ENTREP2: variants seen among roughly 807,000 people sequenced by gnomAD.
ENTREP2 encodes protein ENTREP2.
At chr15:29,666,337 GCT>G in the ENTREP2 span, among the ~76,000 whole-genome samples, 1 of 152,070 alleles carries the variant, frequency 6.6e-6, no homozygotes, top group East Asian at 1.9e-4. Context: ...CTCCGCTCAT[GCT>G]CTCTCACCCA....
At chr15:29,587,653 G>C in the ENTREP2 span, among the ~76,000 whole-genome samples, 1 of 152,020 alleles carries the variant, frequency 6.6e-6, no homozygotes, top group African/African-American at 2.4e-5. Context: ...TAGTAGATGA[G>C]AGGAAGTGTC....
the ENTREP2 span, chr15:29,376,340 A>C: frequency 2.0e-5 from 3 of 152,158 alleles, no homozygotes; most frequent in Admixed American, 6.5e-5. Context: ...AAAATCATCT[A>C]ATCAGAGCTA....
At chr15:29,369,961 G>A in the ENTREP2 span, among the ~76,000 whole-genome samples, 28 of 152,242 alleles carry the variant, frequency 1.8e-4, no homozygotes, top group Non-Finnish European at 2.4e-4. Flanking sequence ...GAAGCACAAG[G>A]CCCTCACCAG....
At chr15:29,651,882 G>A in the ENTREP2 span, among the ~76,000 whole-genome samples, 4 of 152,238 alleles carry the variant, frequency 2.6e-5, no homozygotes, top group Non-Finnish European at 5.9e-5. Context: ...GACAGCAGCA[G>A]GACGCAGACG....
chr15:29,463,727 A>G, the ENTREP2 span, among the ~76,000 whole-genome samples: 2 of 152,220 alleles, frequency 1.3e-5, no homozygotes, highest in East Asian at 3.8e-4. Context: ...AATAACTGAA[A>G]GCAGGAGCTC....
At chr15:29,123,610 G>A in the ENTREP2 span, 1 of 1,551,570 alleles carries the variant, frequency 6.4e-7, no homozygotes, top group Non-Finnish European at 8.7e-7. Flanking sequence ...CCCCGCTGGT[G>A]AAAGCTGGGC....
At chr15:29,511,983 G>A in the ENTREP2 span, among the ~76,000 whole-genome samples, 1 of 151,504 alleles carries the variant, frequency 6.6e-6, no homozygotes. Flanking sequence ...TATTAACAGA[G>A]ATTGTTTTAG....
the ENTREP2 span, among the ~76,000 whole-genome samples, chr15:29,627,111 T>G: frequency 6.6e-6 from 1 of 152,204 alleles, no homozygotes; most frequent in Admixed American, 6.5e-5. Context: ...TAAATTTCCC[T>G]CTGTGCAGTG....
the ENTREP2 span, among the ~76,000 whole-genome samples, chr15:29,392,734 T>C: frequency 6.6e-6 from 1 of 152,258 alleles, no homozygotes; most frequent in Admixed American, 6.5e-5. Flanking sequence ...TTGTAGCTAA[T>C]ATCTCTTCAG....
the ENTREP2 span, among the ~76,000 whole-genome samples, chr15:29,277,934 G>C: frequency 2.8e-3 from 421 of 152,162 alleles, no homozygotes; most frequent in African/African-American, 9.7e-3. Flanking sequence ...TGAGAAAACT[G>C]AACACGTTGA....
At chr15:29,207,106 C>T in the ENTREP2 span, among the ~76,000 whole-genome samples, 1 of 152,156 alleles carries the variant, frequency 6.6e-6, no homozygotes, top group Non-Finnish European at 1.5e-5. Flanking sequence ...TCCAGCTCTT[C>T]CTTACTCCAG....
chr15:29,520,354 A>G, the ENTREP2 span, among the ~76,000 whole-genome samples: 2 of 152,228 alleles, frequency 1.3e-5, no homozygotes, highest in African/African-American at 4.8e-5. Flanking sequence ...TGACCAATGC[A>G]AACAATTATT....
chr15:29,161,282 G>A, the ENTREP2 span, among the ~76,000 whole-genome samples: 2 of 152,158 alleles, frequency 1.3e-5, no homozygotes, highest in Admixed American at 1.3e-4. Context: ...CAAAGACAGG[G>A]ATTCCCCAAG....
At chr15:29,236,641 C>G in the ENTREP2 span, among the ~76,000 whole-genome samples, 1 of 152,086 alleles carries the variant, frequency 6.6e-6, no homozygotes, top group Non-Finnish European at 1.5e-5. Flanking sequence ...AGAGCAAGAT[C>G]CTGTCTCAAA....
At chr15:29,289,584 G>A in the ENTREP2 span, among the ~76,000 whole-genome samples, 6 of 152,254 alleles carry the variant, frequency 3.9e-5, no homozygotes, top group East Asian at 7.7e-4. Flanking sequence ...GGTGGCTCAC[G>A]TCTGTAATCC....
At chr15:29,234,501 A>T in the ENTREP2 span, 2 of 1,424,890 alleles carry the variant, frequency 1.4e-6, no homozygotes, top group Non-Finnish European at 2.0e-6. Flanking sequence ...ACTGAGCTAT[A>T]AGAACAACCA....
the ENTREP2 span, chr15:29,269,275 T>C: frequency 5.0e-6 from 8 of 1,614,012 alleles, no homozygotes; most frequent in African/African-American, 4.0e-5. Context: ...GGGTTCAAGT[T>C]CCACCAGCTT....
the ENTREP2 span, among the ~76,000 whole-genome samples, chr15:29,415,404 G>A: frequency 0.023 from 3,477 of 151,558 alleles, 140 homozygotes; most frequent in African/African-American, 0.08. Flanking sequence ...CAAAAACCAC[G>A]ATTATCTCAA....
the ENTREP2 span, among the ~76,000 whole-genome samples, chr15:29,667,334 C>T: frequency 6.6e-6 from 1 of 150,950 alleles, no homozygotes. Context: ...ACTACAGGCG[C>T]CCACCACCAT....
Sources: gnomAD v4.1 joint callset for allele counts (sites outside exome capture counted in the v4.1 genomes callset) on GRCh38, gnomAD v4.1.1 for gene constraint, MANE v1.5 for transcripts, NCBI Gene and HGNC (gene_info 2026-07-23, HGNC 2026-07-21) for gene names.